The following ZNF534 variants were observed in gnomAD, a reference collection of about 807,000 sequenced individuals.
ZNF534 encodes the protein zinc finger protein 534, also known as KRAB domain only 3.
In ZNF534, 19 loss-of-function variants were observed where a neutral mutation model predicts 13.6. That is an observed-to-expected ratio of 1.40 (90% confidence interval 0.97 to 2.05). The LOEUF (loss-of-function observed/expected upper bound fraction) is 2.05, where lower values mean the gene tolerates loss of function less well. Among genes scored for constraint, ZNF534 ranks in the 30% most tolerant of loss-of-function variants. The probability of loss-of-function intolerance (pLI) is 0.00; values close to 1 mark genes in which losing one functional copy is unlikely to be tolerated. For synonymous variants in ZNF534, 244 were observed against 273.8 expected, an observed-to-expected ratio of 0.89 and a Z score of 1.07; for missense variants, 782 against 796.3, an observed-to-expected ratio of 0.98 and a Z score of 0.22.
chr19:52,432,290 T>C (rs569440978), intron 2 of ZNF534, among the ~76,000 whole-genome samples: 1 of 152,278 alleles, frequency 6.6e-6, no homozygotes, highest in African/African-American at 2.4e-5. Context: ...TGAAGTTGTT[T>C]TAAATTTACT....
At chr19:52,442,696 A>G (rs962195502), downstream of ZNF534, among the ~76,000 whole-genome samples, 1 of 152,218 alleles carries the variant, frequency 6.6e-6, no homozygotes, top group African/African-American at 2.4e-5. Flanking sequence ...CTCCTCCTAC[A>G]GGCCTTTCAC....
intron 4 of ZNF534, among the ~76,000 whole-genome samples, chr19:52,447,862 T>C (rs551046683): frequency 2.1e-5 from 3 of 142,352 alleles, no homozygotes; most frequent in South Asian, 2.3e-4. Flanking sequence ...ATTTTTTTCA[T>C]GTGAAATTTA....
rs77990072 is a variant in ZNF534, at chr19:52,440,791, A to C, written c.*1345A>C. On this transcript the variant is annotated 3_prime_UTR_variant, in exon 5 of 5. Coordinates refer to ENST00000433050, the MANE Select transcript of ZNF534 (RefSeq NM_001143938.3). ...GAGATTCTGTCTCAAAAAAAAAAAA[A>C]AGAATTCATACTGGAAGGAAGCGTT... is the stretch of plus-strand genomic sequence containing the variant. Among the ~76,000 whole-genome samples, 1 of 152,010 alleles carries C rather than the reference A, an allele frequency of 6.6e-6. No individual in the cohort carries two copies. The highest frequency in any genetic ancestry group is 1.5e-5 in the Non-Finnish European group (1 of 67,962).
intron 4 of ZNF534, 146 bp from the exon 5 acceptor site, chr19:52,437,586 G>C: frequency 1.3e-6 from 1 of 765,330 alleles, no homozygotes; most frequent in Non-Finnish European, 2.0e-6. Context: ...TCCAGCCTGG[G>C]TGACAATGTG....
chr19:52,431,876 CAG>C (rs1361102155), intron 2 of ZNF534, among the ~76,000 whole-genome samples: 2 of 147,082 alleles, frequency 1.4e-5, no homozygotes, highest in African/African-American at 2.5e-5. Context: ...TTTTTTGAGA[CAG>C]AGTCTCGCAC....
chr19:52,435,014 A>G (rs1227030416), intron 3 of ZNF534, 67 bp from the exon 4 acceptor site: 11 of 1,545,280 alleles, frequency 7.1e-6, no homozygotes, highest in Non-Finnish European at 9.6e-6. Flanking sequence ...GCTGTCTCCT[A>G]CCTAAATATA....
At chr19:52,442,843 A>C (rs946208902), downstream of ZNF534, among the ~76,000 whole-genome samples, 2 of 152,276 alleles carry the variant, frequency 1.3e-5, no homozygotes, top group African/African-American at 4.8e-5. Flanking sequence ...TGATTTAGAC[A>C]GCATGGACAT....
chr19:52,444,796 T>C (rs1480649563), downstream of ZNF534, among the ~76,000 whole-genome samples: 1 of 152,202 alleles, frequency 6.6e-6, no homozygotes, highest in East Asian at 1.9e-4. Flanking sequence ...CCGGTAGTCA[T>C]AGGCCTCACC....
chr19:52,433,855 C>T (rs927224617), intron 2 of ZNF534, 100 bp from the exon 3 acceptor site: 18 of 1,382,550 alleles, frequency 1.3e-5, no homozygotes, highest in Non-Finnish European at 1.6e-5. Context: ...TGGCGCAGTG[C>T]TCGCTTCAGT....
At chr19:52,443,410 T>A (rs2059183451), downstream of ZNF534, among the ~76,000 whole-genome samples, 1 of 152,242 alleles carries the variant, frequency 6.6e-6, no homozygotes, top group African/African-American at 2.4e-5. Context: ...GGTTTCATCG[T>A]TTAACATAAT....
At chr19:52,433,917 C>G (rs748007397) in intron 2 of ZNF534, 38 bp from the exon 3 acceptor site, 2 of 1,612,200 alleles carry the variant, frequency 1.2e-6, no homozygotes, top group South Asian at 2.2e-5. Context: ...TAAGTACTCT[C>G]TCCATACCCT....
chr19:52,434,145 G>C, intron 3 of ZNF534, 64 bp downstream of exon 3: 1 of 1,572,988 alleles, frequency 6.4e-7, no homozygotes, highest in Non-Finnish European at 8.6e-7. Context: ...ATTTTCTCTT[G>C]TGTGTCTCTC....
chr19:52,442,922 C>T (rs1198680344), downstream of ZNF534, among the ~76,000 whole-genome samples: 1 of 152,142 alleles, frequency 6.6e-6, no homozygotes, highest in African/African-American at 2.4e-5. Flanking sequence ...GAGTACTGCC[C>T]ACTCTTTTCT....
At position 52,438,546 on chromosome 19, in the gene ZNF534, G is replaced by T. The variant is rs911683843; in HGVS notation, c.1086G>T (p.Gly362=). The change falls in exon 5 of 5, where the codon GGG becomes GGT. Residue 362 remains glycine (G), a synonymous_variant. Coordinates refer to ENST00000433050, the MANE Select transcript of ZNF534 (RefSeq NM_001143938.3). Reference sequence around the variant, plus strand: ...ACAAATGTAATGAATGTGGCAAGGGGTTTAGTCGAATTGCATTCCTTGCAA... The same window carrying T: ...ACAAATGTAATGAATGTGGCAAGGGTTTTAGTCGAATTGCATTCCTTGCAA... ...RPYKCNECGK[G]FSRIAFLARH... 3 of 1,579,836 alleles carry T rather than the reference G, an allele frequency of 1.9e-6. No homozygotes were observed. The highest frequency in any genetic ancestry group is 2.6e-6 in the Non-Finnish European group (3 of 1,162,382).
In ZNF534 at chr19:52,438,107, G is replaced by A; in HGVS notation, c.647G>A (p.Cys216Tyr). The A allele has an allele frequency of 6.2e-7, 1 of 1,614,102 alleles. No homozygotes were observed. The highest frequency in any genetic ancestry group is 1.1e-5 in the South Asian group (1 of 91,082). ...CACATTGCAGATAAAACTTACAAAT[G>A]TAGTGACTGTGGCGAGATCTTTAGT... ...VIHIADKTYK[C>Y]SDCGEIFSSN... Residue 216 changes from cysteine to tyrosine, a missense_variant, in exon 5 of 5, where the codon TGT (cysteine) becomes TAT (tyrosine). By Grantham distance (194) the Cys-to-Tyr change is radical. Transcript: ENST00000433050.
rs566893015 is a variant in ZNF534 at position 52,442,428 on chromosome 19, A to G, written c.*2982A>G. 4.6e-5 allele frequency among the ~76,000 whole-genome samples: 7 copies of G among 152,350 alleles called. No homozygotes were observed. Among genetic ancestry groups the G allele is most frequent in the African/African-American group, 1.7e-4 (7 of 41,592 alleles). On this transcript the variant is annotated 3_prime_UTR_variant, in exon 5 of 5. Transcript: ENST00000433050. ...TTTGTTTCCCATAAGGAATGCTTTTATGTAATCTATAATCAATAGAAACAA... is the reference window on the plus strand; with the variant it reads ...TTTGTTTCCCATAAGGAATGCTTTTGTGTAATCTATAATCAATAGAAACAA...
intron 2 of ZNF534, among the ~76,000 whole-genome samples, chr19:52,433,642 A>T (rs568618240): frequency 1.3e-5 from 2 of 152,378 alleles, no homozygotes; most frequent in East Asian, 1.9e-4. Flanking sequence ...CTGGGATTAC[A>T]GGCATGAGCC....
Position 52,439,749 on chromosome 19 carries a change from TC to T in ZNF534, c.*305del, listed in dbSNP as rs1174475491. The stretch of plus-strand genomic sequence containing the variant: ...TCCAGCCTAGGTGACAGAGTGAAAC[TC>T]CATCTCAAAAAAAGAAAAAAAAAAA... On this transcript the variant is annotated 3_prime_UTR_variant, in exon 5 of 5. Coordinates refer to ENST00000433050, the MANE Select transcript of ZNF534 (RefSeq NM_001143938.3). Among the ~76,000 whole-genome samples the T allele has an allele frequency of 1.0e-5, 1 of 99,074 alleles. No individual in the cohort carries two copies. Among genetic ancestry groups the T allele is most frequent in the Admixed American group, 1.2e-4 (1 of 8,026 alleles). 65.0% of individuals were successfully genotyped at this position (99,074 alleles called of 152,430 possible).
At chr19:52,443,674 T>C (rs1219999299), downstream of ZNF534, among the ~76,000 whole-genome samples, 2 of 151,950 alleles carry the variant, frequency 1.3e-5, no homozygotes, top group Non-Finnish European at 2.9e-5. Flanking sequence ...TGCTTGAACC[T>C]GGGAGGCAGA....
Sources: allele counts gnomAD v4.1 joint callset (sites outside exome capture counted in the v4.1 genomes callset), GRCh38; gene constraint gnomAD v4.1.1; transcripts MANE v1.5; gene names NCBI Gene and HGNC (gene_info 2026-07-23, HGNC 2026-07-21).